Variants in TG observed in about 807,000 individuals in gnomAD.
TG encodes thyroid hormones.
A neutral mutation model predicts 324.7 loss-of-function variants in TG; 270 were observed. That is an observed-to-expected ratio of 0.83 (90% CI 0.75 to 0.92). TG has a LOEUF of 0.92. TG is among the 40% of genes least tolerant of loss of function. The pLI, the probability that TG is intolerant of heterozygous loss-of-function variation, is 0.00. For missense variants in TG, 3,591 were observed against 3,456.4 expected (o/e 1.04, Z -0.98); for synonymous variants, 1,401 against 1,327.0 (o/e 1.06, Z -1.21).
intron 40 of TG, among the ~76,000 whole-genome samples, chr8:133,024,745 C>T (rs1428241890): frequency 6.6e-6 from 1 of 151,290 alleles, no homozygotes; most frequent in South Asian, 2.1e-4. Context: ...CGATCTCATT[C>T]TTTTTTATGG....
intron 45 of TG, among the ~76,000 whole-genome samples, chr8:133,128,764 A>T (rs1467961840): frequency 6.6e-6 from 1 of 152,198 alleles, no homozygotes; most frequent in Non-Finnish European, 1.5e-5. Context: ...CTGCAATGTG[A>T]TTACCAAAAA....
intron 43 of TG, among the ~76,000 whole-genome samples, chr8:133,097,196 C>T (rs967100123): frequency 1.3e-5 from 2 of 152,196 alleles, no homozygotes; most frequent in Non-Finnish European, 2.9e-5. Context: ...GGCAGTCTAA[C>T]CGGAATTTTA....
chr8:132,966,567 A>G lies in TG; in HGVS notation c.5556A>G (p.Thr1852=). Residue 1852 remains threonine (T), a synonymous_variant, in exon 30 of 48, where the codon ACA becomes ACG. Coordinates refer to ENST00000220616, the MANE Select transcript of TG (RefSeq NM_003235.5). ...TCCCTGCTTCTTTTTCAGGTTTGAC[A>G]ACAGAACTTTTCTCCCCTGTGGACC... The part of the protein sequence containing the change: ...RPASPTEAGL[T]TELFSPVDLN... The G allele has an allele frequency of 6.2e-7, 1 of 1,614,088 alleles. No homozygotes were observed. Among genetic ancestry groups the G allele is most frequent in the Non-Finnish European group, 8.5e-7 (1 of 1,180,006 alleles).
intron 25 of TG, among the ~76,000 whole-genome samples, chr8:132,940,808 C>G (rs1039631387): frequency 2.6e-5 from 4 of 152,198 alleles, no homozygotes; most frequent in Admixed American, 2.6e-4. Flanking sequence ...GTCTACAGAG[C>G]ATTCCTTTAA....
intron 41 of TG, among the ~76,000 whole-genome samples, chr8:133,040,498 T>C (rs957125678): frequency 3.3e-5 from 5 of 152,170 alleles, no homozygotes; most frequent in African/African-American, 9.7e-5. Context: ...AACAAGTGAG[T>C]GCCTGCAGAA....
rs1175245904 is a variant in TG, at chr8:132,976,679, C to T, written c.6199+3938C>T. On this transcript the variant is annotated intron_variant, in intron 34 of 47. Transcript: ENST00000220616. ...GACTCTCATTCTTCCATCCATGGCC[C>T]CTGAACAGAAAACACCATGGGATGC... 2.6e-5 allele frequency among the ~76,000 whole-genome samples: 4 copies of T among 152,114 alleles called. No individual in the cohort carries two copies. In the East Asian group the frequency reaches 7.7e-4, roughly 29 times the overall value.
chr8:132,962,999 G>C lies in TG; in HGVS notation c.5473G>C (p.Asp1825His), dbSNP rs1467473939. The C allele has an allele frequency of 1.9e-6, 3 of 1,613,656 alleles. No individual in the cohort carries two copies. The African/African-American group carries it at 4.0e-5, about 22-fold the overall frequency. ...FQQVYLWKDSDMGSRPESMGC... is the reference protein window; with the variant it reads ...FQQVYLWKDSHMGSRPESMGC... ...ACTCTTTTTTTTCCTCCTAGATTCT[G>C]ACATGGGGTCTCGGCCTGAGTCTAT... Residue 1825 changes from aspartate to histidine, a missense_variant, in exon 29 of 48, where the codon GAC becomes CAC. Physicochemically the swap from Asp to His is moderately conservative, Grantham distance 81. Transcript: ENST00000220616.
intron 41 of TG, among the ~76,000 whole-genome samples, chr8:133,067,897 AGGAAGGAAGGAAGGAAGGAAAGAG>A (rs1564145733): frequency 6.0e-5 from 7 of 115,890 alleles, no homozygotes; most frequent in Non-Finnish European, 1.2e-4. Flanking sequence ...TATGTATGGA[AGGAAGGAAGGAAGGAAGGAAAGAG>A]AGAGAGAGAG....
Position 132,868,210 on chromosome 8 carries a change from G to A in TG, c.163G>A (p.Asp55Asn). The A allele has an allele frequency of 6.2e-7, 1 of 1,614,098 alleles. No individual in the cohort carries two copies. Among genetic ancestry groups the A allele is most frequent in the Non-Finnish European group, 8.5e-7 (1 of 1,180,022 alleles). Reference protein sequence around the residue: ...QADYVPQCAEDGSFQTVQCQN... With the variant: ...QADYVPQCAENGSFQTVQCQN... ...AGACTACGTGCCCCAGTGTGCAGAG[G>A]ATGGCAGCTTCCAGTAAGGCTTATG... is the stretch of plus-strand genomic sequence containing the variant. The change falls in exon 2 of 48, where the codon GAT becomes AAT. Residue 55 changes from aspartate to asparagine, a missense_variant. Physicochemically the swap from Asp to Asn is conservative, Grantham distance 23. Coordinates refer to ENST00000220616, the MANE Select transcript of TG (RefSeq NM_003235.5).
chr8:133,117,370 C>G (rs1248215922), intron 45 of TG, among the ~76,000 whole-genome samples: 1 of 152,204 alleles, frequency 6.6e-6, no homozygotes, highest in Non-Finnish European at 1.5e-5. Flanking sequence ...GACTGAGTGA[C>G]AGGGACGCAC....
intron 35 of TG, among the ~76,000 whole-genome samples, chr8:132,987,735 T>C (rs1831749245): frequency 6.6e-6 from 1 of 150,900 alleles, no homozygotes; most frequent in South Asian, 2.1e-4. Context: ...TGTGTGTGTG[T>C]GCGTGTGTGT....
chr8:132,893,762 C>T lies in TG; in HGVS notation c.2834C>T (p.Ala945Val). 1.2e-6 allele frequency: 2 copies of T among 1,613,990 alleles called. No individual in the cohort carries two copies. Among genetic ancestry groups the T allele is most frequent in the South Asian group, 1.1e-5 (1 of 91,088 alleles). Residue 945 changes from alanine (A) to valine (V), a missense_variant, in exon 11 of 48, where the codon GCT becomes GTT. Physicochemically the swap from Ala to Val is moderately conservative, Grantham distance 64. Coordinates refer to ENST00000220616, the MANE Select transcript of TG (RefSeq NM_003235.5). ...AGGGAAACGGAAGAGATTGTTTCAG[C>T]TTCCAACAGTTCTCGGTTCCCTCTG... ...FIRETEEIVS[A>V]SNSSRFPLGE...
chr8:132,982,395 A>T (rs1830987283), intron 34 of TG, among the ~76,000 whole-genome samples: 1 of 152,198 alleles, frequency 6.6e-6, no homozygotes, highest in Non-Finnish European at 1.5e-5. Flanking sequence ...GAAGATTTAG[A>T]TTTATTCAGT....
At chr8:133,114,761 G>C (rs1447950675) in intron 44 of TG, among the ~76,000 whole-genome samples, 1 of 152,198 alleles carries the variant, frequency 6.6e-6, no homozygotes, top group Non-Finnish European at 1.5e-5. Context: ...CAGAGCCAAT[G>C]TCAAGGCTCA....
At chr8:132,870,415 G>A (rs571970469) in intron 3 of TG, among the ~76,000 whole-genome samples, 135 of 148,402 alleles carry the variant, frequency 9.1e-4, no homozygotes, top group South Asian at 6.9e-3. Context: ...ATACTCTCCT[G>A]CTGTGTGAGC....
intron 5 of TG, among the ~76,000 whole-genome samples, chr8:132,876,204 G>A (rs954255666): frequency 7.2e-5 from 11 of 152,062 alleles, no homozygotes; most frequent in African/African-American, 2.4e-4. Context: ...GGCAAGAGAC[G>A]ACGTTGACAT....
intron 43 of TG, among the ~76,000 whole-genome samples, chr8:133,100,654 T>G (rs1487687195): frequency 6.6e-6 from 1 of 152,164 alleles, no homozygotes; most frequent in Non-Finnish European, 1.5e-5. Context: ...CCTCCAAATA[T>G]CCTCTTCCCA....
At chr8:133,097,481 G>C (rs1331878265) in intron 43 of TG, among the ~76,000 whole-genome samples, 1 of 152,226 alleles carries the variant, frequency 6.6e-6, no homozygotes, top group Non-Finnish European at 1.5e-5. Flanking sequence ...ATATTATGCA[G>C]ATATTAAAAA....
At chr8:133,010,761 A>T (rs1195236142) in intron 35 of TG, among the ~76,000 whole-genome samples, 1 of 152,126 alleles carries the variant, frequency 6.6e-6, no homozygotes, top group Non-Finnish European at 1.5e-5. Flanking sequence ...CTTGCACCAG[A>T]TGGGACGAGC....
Sources: allele counts gnomAD v4.1 joint callset (sites outside exome capture counted in the v4.1 genomes callset), GRCh38; gene constraint gnomAD v4.1.1; transcripts MANE v1.5; gene names NCBI Gene and HGNC (gene_info 2026-07-23, HGNC 2026-07-21).